The following IL1RAPL1 variants were observed in gnomAD, a reference collection of about 807,000 sequenced individuals.
IL1RAPL1 encodes the protein interleukin-1 receptor accessory protein-like 1.
IL1RAPL1 carries 3 observed loss-of-function variants against 48.4 expected under a neutral mutation model. The observed-to-expected ratio is 0.06, with a 90% confidence interval of 0.03 to 0.16. The LOEUF is 0.16. Among genes scored for constraint, IL1RAPL1 ranks in the 10% least tolerant of loss-of-function variants. The probability of loss-of-function intolerance (pLI) is 1.00; values close to 1 mark genes in which losing one functional copy is unlikely to be tolerated. For missense variants in IL1RAPL1, 349 were observed against 530.6 expected, an observed-to-expected ratio of 0.66 and a Z score of 3.36; for synonymous variants, 185 against 187.7, an observed-to-expected ratio of 0.99 and a Z score of 0.12.
At chrX:29,920,512 G>T (rs1376475694) in intron 8 of IL1RAPL1, among the ~76,000 whole-genome samples, 1 of 110,218 alleles carries the variant, frequency 9.1e-6, no homozygotes, top group African/African-American at 3.3e-5. Flanking sequence ...TAGATATTAG[G>T]GGCCGGGTGC....
At chrX:28,990,072 A>G (rs1472823333) in intron 2 of IL1RAPL1, among the ~76,000 whole-genome samples, 3 of 111,253 alleles carry the variant, frequency 2.7e-5, no homozygotes, top group Non-Finnish European at 5.7e-5. Context: ...AACTTACACT[A>G]TAGTAACCAA....
At chrX:29,937,746 TA>T (rs1933055715) in intron 8 of IL1RAPL1, among the ~76,000 whole-genome samples, 1 of 111,827 alleles carries the variant, frequency 8.9e-6, no homozygotes, top group Non-Finnish European at 1.9e-5. Context: ...CTGACCTCTT[TA>T]TAAGGACATT....
intron 2 of IL1RAPL1, among the ~76,000 whole-genome samples, chrX:29,273,746 G>A (rs976144001): frequency 2.7e-5 from 3 of 110,711 alleles, no homozygotes; most frequent in African/African-American, 6.6e-5. Context: ...TGCAGAGGCA[G>A]GGTTTCCTGT....
intron 2 of IL1RAPL1, among the ~76,000 whole-genome samples, chrX:28,840,576 CAATT>C (rs1921343321): frequency 2.7e-5 from 3 of 110,577 alleles, no homozygotes; most frequent in Non-Finnish European, 5.7e-5. Context: ...TAAACATGTA[CAATT>C]AATTTAATTG....
chrX:29,505,951 T>G (rs924288772), intron 5 of IL1RAPL1, among the ~76,000 whole-genome samples: 20 of 112,286 alleles, frequency 1.8e-4, no homozygotes, highest in Middle Eastern at 4.6e-3. Flanking sequence ...TCTGGTTATT[T>G]TCAAATACTC....
intron 2 of IL1RAPL1, among the ~76,000 whole-genome samples, chrX:28,803,966 T>C (rs1936701397): frequency 8.9e-6 from 1 of 112,529 alleles, no homozygotes; most frequent in Non-Finnish European, 1.9e-5. Context: ...CAAGGCAATA[T>C]GATTTATCTT....
intron 3 of IL1RAPL1, among the ~76,000 whole-genome samples, chrX:29,327,994 A>G (rs184286460): frequency 8.0e-5 from 9 of 112,076 alleles, no homozygotes; most frequent in Admixed American, 2.8e-4. Flanking sequence ...CCTGCTTTTT[A>G]TGATGATTGT....
intron 5 of IL1RAPL1, among the ~76,000 whole-genome samples, chrX:29,548,699 C>A (rs1033993043): frequency 9.0e-6 from 1 of 111,483 alleles, no homozygotes; most frequent in African/African-American, 3.3e-5. Flanking sequence ...AATAACAACC[C>A]TTGGATATAA....
chrX:29,765,165 A>G (rs1002045653), intron 6 of IL1RAPL1, among the ~76,000 whole-genome samples: 5 of 111,807 alleles, frequency 4.5e-5, no homozygotes, highest in Non-Finnish European at 9.4e-5. Context: ...CCTTGACTTT[A>G]AAGTGGATTT....
chrX:28,702,077 C>T (rs893093766), intron 1 of IL1RAPL1, among the ~76,000 whole-genome samples: 4 of 111,322 alleles, frequency 3.6e-5, no homozygotes, highest in African/African-American at 1.3e-4. Context: ...AGTTTGGAGG[C>T]TGTGGTGCTA....
At chrX:29,501,862 A>G (rs1935279396) in intron 5 of IL1RAPL1, among the ~76,000 whole-genome samples, 1 of 99,551 alleles carries the variant, frequency 1.0e-5, no homozygotes, top group Non-Finnish European at 2.0e-5. Context: ...GAAGAATGTG[A>G]TTGATATTTT....
At chrX:28,756,923 A>T (rs5985795) in intron 1 of IL1RAPL1, among the ~76,000 whole-genome samples, 2 of 109,929 alleles carry the variant, frequency 1.8e-5, no homozygotes, top group Non-Finnish European at 3.8e-5. Context: ...TTCACATTCC[A>T]CCTCTGCTTC....
At chrX:29,335,635 C>CA (rs1932982578) in intron 3 of IL1RAPL1, among the ~76,000 whole-genome samples, 1 of 110,353 alleles carries the variant, frequency 9.1e-6, no homozygotes, top group African/African-American at 3.3e-5. Context: ...CTGGAGGCCA[C>CA]AATTCCAATA....
Position 29,014,559 on chromosome X carries a change from T to G in IL1RAPL1, c.82+225134T>G, listed in dbSNP as rs768629121. On this transcript the variant is annotated intron_variant, in intron 2 of 10. Coordinates refer to ENST00000378993, the MANE Select transcript of IL1RAPL1 (RefSeq NM_014271.4). ...ATATATAGTGATCCAGTCATAAAAC[T>G]GTAGTTTATGTGTATAATTACAGGA... 2.7e-5 allele frequency among the ~76,000 whole-genome samples: 3 copies of G among 111,561 alleles called. No individual in the cohort carries two copies. In the East Asian group the frequency reaches 8.4e-4, roughly 31 times the overall value.
chrX:28,746,122 A>T, intron 1 of IL1RAPL1, among the ~76,000 whole-genome samples: 2 of 111,287 alleles, frequency 1.8e-5, no homozygotes, highest in Admixed American at 1.9e-4. Context: ...GATAGACTGG[A>T]TTAAGAAAAT....
In IL1RAPL1 at chrX:29,423,061, C is replaced by T. The variant is rs769599635; in HGVS notation, c.703+23753C>T. 5.4e-5 allele frequency among the ~76,000 whole-genome samples: 6 copies of T among 111,752 alleles called. No individual in the cohort carries two copies. In the East Asian group the frequency reaches 1.4e-3, roughly 26 times the overall value. ...ATAAGAAACATTTACAACTGATTCC[C>T]TCTAAAGCCTGCTACCTGGAGGCTT... On this transcript the variant is annotated intron_variant, in intron 5 of 10. Transcript: ENST00000378993.
chrX:29,409,725 A>G (rs1934116333), intron 5 of IL1RAPL1, among the ~76,000 whole-genome samples: 1 of 111,434 alleles, frequency 9.0e-6, no homozygotes, highest in Non-Finnish European at 1.9e-5. Flanking sequence ...ATAAACTTGA[A>G]TGATTTCCAT....
chrX:29,932,891 C>CT (rs1177212633), intron 8 of IL1RAPL1, among the ~76,000 whole-genome samples: 3 of 111,703 alleles, frequency 2.7e-5, no homozygotes, highest in East Asian at 5.6e-4. Context: ...CTCAAAAGCA[C>CT]TGTACCTGGT....
At chrX:28,654,895 T>C (rs781026057) in intron 1 of IL1RAPL1, among the ~76,000 whole-genome samples, 1 of 111,722 alleles carries the variant, frequency 9.0e-6, no homozygotes, top group East Asian at 2.8e-4. Flanking sequence ...ATATTGGGTT[T>C]TAAGGGTTTA....
Sources: gnomAD v4.1 joint callset for allele counts (sites outside exome capture counted in the v4.1 genomes callset) on GRCh38, gnomAD v4.1.1 for gene constraint, MANE v1.5 for transcripts, NCBI Gene and HGNC (gene_info 2026-07-23, HGNC 2026-07-21) for gene names.